The following CNTN5 variants were observed in gnomAD, a reference collection of about 807,000 sequenced individuals.
CNTN5 encodes the protein contactin-5.
In CNTN5, 77 loss-of-function variants were observed where a neutral mutation model predicts 129.1. The ratio of observed to expected loss-of-function variants is 0.60; its 90% CI spans 0.50 to 0.72. CNTN5 has a LOEUF of 0.72. Among genes scored for constraint, CNTN5 ranks in the 30% least tolerant of loss-of-function variants. The probability of loss-of-function intolerance (pLI) is 0.00; values close to 1 mark genes in which losing one functional copy is unlikely to be tolerated. For synonymous variants in CNTN5, 509 were observed against 465.6 expected (o/e 1.09, Z -1.20); for missense variants, 1,478 against 1,328.8 (o/e 1.11, Z -1.75).
chr11:99,142,185 C>G (rs141212592), intron 1 of CNTN5, among the ~76,000 whole-genome samples: 1 of 152,090 alleles, frequency 6.6e-6, no homozygotes, highest in Admixed American at 6.5e-5. Flanking sequence ...ACCTGTTGCA[C>G]TAGGGGGGCC....
chr11:99,450,506 A>G (rs1371725102), intron 2 of CNTN5, among the ~76,000 whole-genome samples: 2 of 152,252 alleles, frequency 1.3e-5, no homozygotes, highest in Non-Finnish European at 2.9e-5. Flanking sequence ...CTTAAATCTT[A>G]AAAACAACTC....
chr11:99,845,193 C>T lies in CNTN5; in HGVS notation c.508C>T (p.His170Tyr). 1.9e-6 allele frequency: 3 copies of T among 1,613,594 alleles called. No individual in the cohort carries two copies. In the South Asian group the frequency reaches 3.3e-5, roughly 18 times the overall value. ...SNPSEAKDSG[H>Y]YQCLATNTVG... ...TCCAAGTGAAGCAAAGGATTCTGGT[C>T]ATTATCAGTGTTTAGCAACCAACAC... The change falls in exon 6 of 25, where the codon CAT (histidine) becomes TAT (tyrosine). Residue 170 changes from histidine (H) to tyrosine (Y), a missense_variant. Coordinates refer to ENST00000524871, the MANE Select transcript of CNTN5 (RefSeq NM_014361.4).
At chr11:99,192,542 G>C (rs1381845184) in intron 1 of CNTN5, among the ~76,000 whole-genome samples, 2 of 151,784 alleles carry the variant, frequency 1.3e-5, no homozygotes, top group East Asian at 3.9e-4. Context: ...AATAACATTA[G>C]ATACTAGAAT....
chr11:99,311,510 T>G (rs1419559990), intron 1 of CNTN5, among the ~76,000 whole-genome samples: 2 of 152,236 alleles, frequency 1.3e-5, no homozygotes, highest in East Asian at 3.9e-4. Context: ...TTGTGGTTCT[T>G]TCACTAGGGA....
At chr11:100,251,732 G>T (rs1949966773) in intron 16 of CNTN5, among the ~76,000 whole-genome samples, 1 of 151,962 alleles carries the variant, frequency 6.6e-6, no homozygotes, top group Admixed American at 6.6e-5. Flanking sequence ...CATCCATGTT[G>T]CCACAAATGA....
At chr11:100,268,424 G>T (rs955144243) in intron 17 of CNTN5, among the ~76,000 whole-genome samples, 4 of 152,118 alleles carry the variant, frequency 2.6e-5, no homozygotes, top group African/African-American at 9.7e-5. Flanking sequence ...ACCAGCCAAA[G>T]GCGGCAGAAT....
intron 16 of CNTN5, among the ~76,000 whole-genome samples, chr11:100,231,824 T>C (rs1186506343): frequency 1.3e-5 from 2 of 152,144 alleles, no homozygotes; most frequent in Admixed American, 6.5e-5. Context: ...GATTTGAGCA[T>C]TGTTCACATT....
chr11:99,245,901 G>A (rs1328452416), intron 1 of CNTN5, among the ~76,000 whole-genome samples: 1 of 152,118 alleles, frequency 6.6e-6, no homozygotes, highest in Non-Finnish European at 1.5e-5. Context: ...AATCAAAAAT[G>A]TCTTCAGATA....
chr11:100,000,495 G>C (rs745454415), intron 8 of CNTN5, among the ~76,000 whole-genome samples: 3 of 152,192 alleles, frequency 2.0e-5, no homozygotes, highest in Non-Finnish European at 4.4e-5. Flanking sequence ...GGTTCTGCAG[G>C]GCACAGCACC....
intron 1 of CNTN5, among the ~76,000 whole-genome samples, chr11:99,237,254 T>C (rs1192989663): frequency 2.0e-5 from 3 of 152,214 alleles, no homozygotes; most frequent in Non-Finnish European, 4.4e-5. Context: ...TTTTGTGTAA[T>C]AATCTTCAGT....
chr11:100,080,940 C>G (rs1591198746), intron 13 of CNTN5, among the ~76,000 whole-genome samples: 1 of 152,106 alleles, frequency 6.6e-6, no homozygotes, highest in Admixed American at 6.6e-5. Context: ...GATTTAGTAA[C>G]TATAAACTGC....
chr11:99,718,020 A>T (rs7937640), intron 3 of CNTN5, among the ~76,000 whole-genome samples: 96,501 of 151,876 alleles, frequency 0.64, 31,141 homozygotes, highest in East Asian at 0.86. Flanking sequence ...CTACATTTTA[A>T]TTATAAATTG....
intron 3 of CNTN5, among the ~76,000 whole-genome samples, chr11:99,756,376 A>G (rs1057473997): frequency 3.3e-5 from 5 of 152,100 alleles, no homozygotes; most frequent in African/African-American, 1.2e-4. Flanking sequence ...TCAATTGTGT[A>G]TTATTTGCAT....
At chr11:100,308,622 T>G in intron 21 of CNTN5, 154 bp downstream of exon 21, 1 of 1,354,544 alleles carries the variant, frequency 7.4e-7, no homozygotes, top group Non-Finnish European at 9.5e-7. Flanking sequence ...TTTACTGGGA[T>G]GTGTTATGTT....
chr11:99,352,517 C>CT, intron 2 of CNTN5, among the ~76,000 whole-genome samples: 1 of 151,984 alleles, frequency 6.6e-6, no homozygotes, highest in Non-Finnish European at 1.5e-5. Context: ...ATTTTCTTTT[C>CT]TTTTTTTTCT....
intron 1 of CNTN5, among the ~76,000 whole-genome samples, chr11:99,106,370 G>A (rs751271441): frequency 6.6e-6 from 1 of 151,956 alleles, no homozygotes; most frequent in Non-Finnish European, 1.5e-5. Flanking sequence ...CATGTTAATG[G>A]TTTGGCCATT....
At chr11:99,985,051 G>C (rs921560975) in intron 8 of CNTN5, among the ~76,000 whole-genome samples, 1 of 152,146 alleles carries the variant, frequency 6.6e-6, no homozygotes, top group Admixed American at 6.5e-5. Context: ...TCAAGAAGGG[G>C]TGTTACAATG....
intron 13 of CNTN5, among the ~76,000 whole-genome samples, chr11:100,183,674 C>T (rs1446155586): frequency 6.6e-6 from 1 of 152,034 alleles, no homozygotes; most frequent in Non-Finnish European, 1.5e-5. Flanking sequence ...GAGGGTGATG[C>T]ATATGTTTAT....
chr11:99,215,259 A>G (rs2135683942), intron 1 of CNTN5, among the ~76,000 whole-genome samples: 1 of 152,268 alleles, frequency 6.6e-6, no homozygotes, highest in Non-Finnish European at 1.5e-5. Context: ...TGTTCCAGTT[A>G]GTTTTTTACC....
Sources: allele counts gnomAD v4.1 joint callset (sites outside exome capture counted in the v4.1 genomes callset), GRCh38; gene constraint gnomAD v4.1.1; transcripts MANE v1.5; gene names NCBI Gene and HGNC (gene_info 2026-07-23, HGNC 2026-07-21).